CDH20: variants seen among roughly 807,000 people sequenced by gnomAD.
The protein encoded by CDH20 is cadherin-20.
Under a neutral mutation model 74.2 loss-of-function variants are expected in CDH20, and 29 were observed. The observed-to-expected ratio is 0.39, with a 90% CI of 0.29 to 0.53. CDH20 has a LOEUF of 0.53. CDH20 is among the 20% of genes least tolerant of loss of function. The probability of loss-of-function intolerance (pLI) is 0.69; values close to 1 mark genes in which losing one functional copy is unlikely to be tolerated. For synonymous variants in CDH20, 469 were observed against 405.4 expected, an observed-to-expected ratio of 1.16 and a Z score of -1.88; for missense variants, 988 against 1,048.3, an observed-to-expected ratio of 0.94 and a Z score of 0.79.
chr18:61,526,671 C>A (rs532989252), intron 6 of CDH20, among the ~76,000 whole-genome samples: 8 of 152,000 alleles, frequency 5.3e-5, no homozygotes, highest in African/African-American at 1.7e-4. Flanking sequence ...TCACGTTCTG[C>A]CCTGGAGCAC....
chr18:61,366,458 T>C (rs1762256657), intron 1 of CDH20, among the ~76,000 whole-genome samples: 1 of 152,170 alleles, frequency 6.6e-6, no homozygotes, highest in South Asian at 2.1e-4. Context: ...ATGAATATGG[T>C]ATTATATCTC....
chr18:61,464,833 A>G (rs1909910808), intron 1 of CDH20, among the ~76,000 whole-genome samples: 1 of 152,238 alleles, frequency 6.6e-6, no homozygotes, highest in Admixed American at 6.5e-5. Flanking sequence ...CCAAGCCCAG[A>G]GCTGACGTTG....
chr18:61,392,515 C>G (rs1911826651), intron 1 of CDH20, among the ~76,000 whole-genome samples: 1 of 152,130 alleles, frequency 6.6e-6, no homozygotes. Context: ...TTCCTTCTTC[C>G]TCAGTCACCT....
At chr18:61,546,881 T>C (rs1414465660) in intron 10 of CDH20, among the ~76,000 whole-genome samples, 3 of 152,206 alleles carry the variant, frequency 2.0e-5, no homozygotes, top group Non-Finnish European at 4.4e-5. Flanking sequence ...GAGTATCCTT[T>C]ACTGGGGCTC....
At chr18:61,530,073 C>T (rs928808114) in intron 7 of CDH20, among the ~76,000 whole-genome samples, 7 of 152,158 alleles carry the variant, frequency 4.6e-5, no homozygotes, top group Non-Finnish European at 7.3e-5. Flanking sequence ...TAATAAGACA[C>T]GGCTCAGGCA....
At chr18:61,430,254 C>CT (rs1182173348) in intron 1 of CDH20, among the ~76,000 whole-genome samples, 1 of 152,066 alleles carries the variant, frequency 6.6e-6, no homozygotes, top group African/African-American at 2.4e-5. Context: ...TATCCCTCTG[C>CT]TTTTTTTGGT....
intron 1 of CDH20, among the ~76,000 whole-genome samples, chr18:61,458,771 G>C (rs1363476961): frequency 3.3e-5 from 5 of 152,358 alleles, no homozygotes; most frequent in Admixed American, 3.3e-4. Flanking sequence ...CAGGATTTGT[G>C]TTTGTTGTGT....
At chr18:61,553,604 G>A (rs1913510743) in intron 11 of CDH20, among the ~76,000 whole-genome samples, 1 of 152,072 alleles carries the variant, frequency 6.6e-6, no homozygotes, top group South Asian at 2.1e-4. Context: ...GGACCCCAGG[G>A]ATCACTTATG....
At chr18:61,434,124 T>C (rs889564699) in intron 1 of CDH20, among the ~76,000 whole-genome samples, 1 of 152,262 alleles carries the variant, frequency 6.6e-6, no homozygotes, top group African/African-American at 2.4e-5. Context: ...TGTTTCTAGA[T>C]GTATTTTCAC....
chr18:61,383,520 G>C (rs1911503339), intron 1 of CDH20, among the ~76,000 whole-genome samples: 2 of 152,136 alleles, frequency 1.3e-5, no homozygotes. Context: ...GGCGGAGGTT[G>C]CAGTGAACCT....
intron 1 of CDH20, among the ~76,000 whole-genome samples, chr18:61,406,604 T>A (rs1225380533): frequency 6.6e-6 from 1 of 152,198 alleles, no homozygotes; most frequent in Non-Finnish European, 1.5e-5. Context: ...AGAAACAGGA[T>A]AATGTGATAG....
chr18:61,389,119 C>T (rs972455655), intron 1 of CDH20, among the ~76,000 whole-genome samples: 5 of 152,150 alleles, frequency 3.3e-5, no homozygotes, highest in Admixed American at 6.6e-5. Flanking sequence ...GTGGGGCTCC[C>T]CCTCTCACAT....
At chr18:61,366,295 T>C (rs1341509347) in intron 1 of CDH20, among the ~76,000 whole-genome samples, 1 of 152,172 alleles carries the variant, frequency 6.6e-6, no homozygotes, top group Non-Finnish European at 1.5e-5. Context: ...GTATTTGTGG[T>C]AAGCACTGCA....
chr18:61,471,721 G>A (rs1910183702), intron 1 of CDH20, among the ~76,000 whole-genome samples: 1 of 152,134 alleles, frequency 6.6e-6, no homozygotes. Context: ...TGGCAATTAA[G>A]ATCCCGTTTG....
At chr18:61,523,342 A>G (rs1253608585) in intron 6 of CDH20, among the ~76,000 whole-genome samples, 2 of 152,254 alleles carry the variant, frequency 1.3e-5, no homozygotes, top group Non-Finnish European at 2.9e-5. Context: ...TCATTAGAGA[A>G]ATGCAAATCA....
At chr18:61,475,879 AAACTT>A (rs1191556302) in intron 1 of CDH20, among the ~76,000 whole-genome samples, 1 of 152,180 alleles carries the variant, frequency 6.6e-6, no homozygotes, top group Admixed American at 6.5e-5. Flanking sequence ...CAGTCTGACT[AAACTT>A]GTTCTGTTTT....
intron 9 of CDH20, among the ~76,000 whole-genome samples, chr18:61,543,334 C>T (rs1421385838): frequency 6.6e-6 from 1 of 152,140 alleles, no homozygotes; most frequent in African/African-American, 2.4e-5. Context: ...TTTTAAACAG[C>T]AGGATTGGCA....
chr18:61,539,462 A>G (rs1255510978), intron 9 of CDH20, among the ~76,000 whole-genome samples: 2 of 152,086 alleles, frequency 1.3e-5, no homozygotes, highest in African/African-American at 4.8e-5. Flanking sequence ...AAAACAAAAA[A>G]CTATTTGGAA....
intron 1 of CDH20, among the ~76,000 whole-genome samples, chr18:61,352,825 C>T (rs1910353407): frequency 6.6e-6 from 1 of 152,152 alleles, no homozygotes; most frequent in Non-Finnish European, 1.5e-5. Context: ...CCTTGGGTGG[C>T]CAAGGGCTTA....
Sources: allele counts gnomAD v4.1 joint callset (sites outside exome capture counted in the v4.1 genomes callset), GRCh38; gene constraint gnomAD v4.1.1; transcripts MANE v1.5; gene names NCBI Gene and HGNC (gene_info 2026-07-23, HGNC 2026-07-21).